The following FRAS1 variants were observed in gnomAD, a reference collection of about 807,000 sequenced individuals.
The protein encoded by FRAS1 is Fraser extracellular matrix complex subunit 1.
A neutral mutation model predicts 435.2 loss-of-function variants in FRAS1; 290 were observed. The ratio of observed to expected loss-of-function variants is 0.67; its 90% confidence interval spans 0.61 to 0.73. FRAS1 has a LOEUF of 0.73. Among genes scored for constraint, FRAS1 ranks in the 30% least tolerant of loss-of-function variants. The pLI is 0.00. For synonymous variants in FRAS1, 1,800 were observed against 1,851.0 expected (o/e 0.97, Z 0.71); for missense variants, 4,860 against 5,001.5 (o/e 0.97, Z 0.85).
At chr4:78,239,148 AG>A (rs2110116686) in intron 3 of FRAS1, among the ~76,000 whole-genome samples, 1 of 152,266 alleles carries the variant, frequency 6.6e-6, no homozygotes, top group East Asian at 1.9e-4. Context: ...TCACAGAAAA[AG>A]TCTCCCATCT....
chr4:78,200,050 G>T (rs1463614030), intron 2 of FRAS1, among the ~76,000 whole-genome samples: 3 of 152,138 alleles, frequency 2.0e-5, no homozygotes, highest in South Asian at 4.1e-4. Flanking sequence ...ACAGAAGTAG[G>T]TATAGGTAAT....
intron 20 of FRAS1, among the ~76,000 whole-genome samples, chr4:78,356,603 A>G (rs1041827265): frequency 1.3e-5 from 2 of 152,146 alleles, no homozygotes; most frequent in African/African-American, 4.8e-5. Context: ...CTTGAGAACA[A>G]TTCAGCAGAG....
At chr4:78,238,839 A>G (rs1446386123) in intron 3 of FRAS1, among the ~76,000 whole-genome samples, 1 of 152,234 alleles carries the variant, frequency 6.6e-6, no homozygotes, top group Non-Finnish European at 1.5e-5. Flanking sequence ...CATTGCTGAA[A>G]TCTAAACATG....
intron 47 of FRAS1, among the ~76,000 whole-genome samples, chr4:78,455,649 G>A (rs77899033): frequency 0.021 from 3,264 of 152,198 alleles, 119 homozygotes; most frequent in African/African-American, 0.075. Flanking sequence ...CAGGAAAGGT[G>A]GGGAAATCTC....
At chr4:78,451,916 T>C (rs1719033848) in intron 46 of FRAS1, 25 bp downstream of exon 46, 2 of 1,589,950 alleles carry the variant, frequency 1.3e-6, no homozygotes, top group Non-Finnish European at 1.7e-6. Flanking sequence ...GATTTTCTAA[T>C]ATAAAACTAT....
intron 50 of FRAS1, among the ~76,000 whole-genome samples, chr4:78,468,308 T>C (rs1001041841): frequency 6.6e-6 from 1 of 152,194 alleles, no homozygotes; most frequent in Non-Finnish European, 1.5e-5. Flanking sequence ...TAAAAGATAC[T>C]CATTTAATTT....
intron 2 of FRAS1, among the ~76,000 whole-genome samples, chr4:78,146,453 C>T (rs1359306265): frequency 6.6e-6 from 1 of 152,112 alleles, no homozygotes; most frequent in East Asian, 1.9e-4. Context: ...ATAACACCTT[C>T]CTGCCTCCTC....
At chr4:78,309,190 A>G (rs767811010) in intron 15 of FRAS1, among the ~76,000 whole-genome samples, 1 of 152,188 alleles carries the variant, frequency 6.6e-6, no homozygotes, top group Non-Finnish European at 1.5e-5. Context: ...AACAGATTCC[A>G]CCCCTGGAGC....
intron 43 of FRAS1, among the ~76,000 whole-genome samples, 175 bp from the exon 44 acceptor site, chr4:78,447,878 A>C (rs1718902463): frequency 6.6e-6 from 1 of 152,186 alleles, no homozygotes. Context: ...GTATGAGGCC[A>C]CAGAGCAGCA....
At chr4:78,307,130 G>C (rs534157522) in intron 14 of FRAS1, among the ~76,000 whole-genome samples, 1 of 152,160 alleles carries the variant, frequency 6.6e-6, no homozygotes, top group Non-Finnish European at 1.5e-5. Context: ...GGCACTGTGA[G>C]GTGTCAGTCT....
intron 2 of FRAS1, among the ~76,000 whole-genome samples, chr4:78,079,316 T>A (rs1022542720): frequency 6.6e-6 from 1 of 150,930 alleles, no homozygotes; most frequent in East Asian, 2.0e-4. Context: ...GTTGAAAGAG[T>A]GAAGAAAAAA....
intron 40 of FRAS1, among the ~76,000 whole-genome samples, chr4:78,439,374 T>C (rs1256467674): frequency 6.6e-6 from 1 of 152,234 alleles, no homozygotes; most frequent in African/African-American, 2.4e-5. Flanking sequence ...GAGTTTACAA[T>C]CTAATATTGG....
intron 20 of FRAS1, among the ~76,000 whole-genome samples, chr4:78,346,021 A>G (rs1346697034): frequency 2.0e-5 from 3 of 152,206 alleles, no homozygotes; most frequent in African/African-American, 7.2e-5. Flanking sequence ...CCTAACAACT[A>G]TAGGTCAGGG....
chr4:78,179,064 C>G (rs1721896199), intron 2 of FRAS1, among the ~76,000 whole-genome samples: 1 of 152,190 alleles, frequency 6.6e-6, no homozygotes, highest in African/African-American at 2.4e-5. Flanking sequence ...CACAATAGGG[C>G]TACTCACGTA....
rs1436526544 is a variant in FRAS1 at position 78,407,744 on chromosome 4, C to T, written c.4211C>T (p.Thr1404Ile). 6.2e-7 allele frequency: 1 copy of T among 1,613,804 alleles called. No individual in the cohort carries two copies. The highest frequency in any genetic ancestry group is 2.2e-5 in the East Asian group (1 of 44,852). ...GQHLPDGRTA[T>I]PTSTFTQQDI... ...CACCTGCCTGATGGGAGGACAGCTA[C>T]CCCCACCAGCACCTTCACCCAGCAG... The change falls in exon 31 of 74, where the codon ACC becomes ATC. Residue 1404 changes from threonine (T) to isoleucine (I), a missense_variant. By Grantham distance (89) the Thr-to-Ile change is moderately conservative (BLOSUM62 -1). Coordinates refer to ENST00000512123, the MANE Select transcript of FRAS1 (RefSeq NM_025074.7).
At chr4:78,163,083 C>T (rs1225612050) in intron 2 of FRAS1, among the ~76,000 whole-genome samples, 6 of 152,212 alleles carry the variant, frequency 3.9e-5, no homozygotes, top group African/African-American at 1.4e-4. Flanking sequence ...CAGTTGTCAA[C>T]ATTTCATGTA....
intron 4 of FRAS1, among the ~76,000 whole-genome samples, chr4:78,249,905 T>C (rs1017987113): frequency 6.6e-6 from 1 of 152,134 alleles, no homozygotes; most frequent in African/African-American, 2.4e-5. Flanking sequence ...CAAAAGTTCT[T>C]GTTTTATGAA....
In FRAS1 at chr4:78,285,974, A is replaced by G. The variant is rs1199439304; in HGVS notation, c.1400-431A>G. Among the ~76,000 whole-genome samples, 7 of 152,182 alleles carry G rather than the reference A, an allele frequency of 4.6e-5. No homozygotes were observed. In the East Asian group the frequency reaches 1.2e-3, roughly 25 times the overall value. On this transcript the variant is annotated intron_variant, in intron 13 of 73. Transcript: ENST00000512123. ...GTTACTTATATCTCTTTCATACAGT[A>G]TTGGAAAAGGGGCAAGAGATCTTCT...
Position 78,466,423 on chromosome 4 carries a change from A to G in FRAS1, c.7245A>G (p.Glu2415=), listed in dbSNP as rs772961944. The G allele has an allele frequency of 1.9e-6, 3 of 1,612,968 alleles. No individual in the cohort carries two copies. Among genetic ancestry groups the G allele is most frequent in the Admixed American group, 1.7e-5 (1 of 59,936 alleles). The change falls in exon 50 of 74, where the codon GAA becomes GAG. Residue 2415 remains glutamate (E), a synonymous_variant. Coordinates refer to ENST00000512123, the MANE Select transcript of FRAS1 (RefSeq NM_025074.7). The part of the protein sequence containing the change: ...DGTNPFFIIE[E]GGKEIMTAAP... Reference sequence around the variant, plus strand: ...CAAACCCCTTCTTTATCATTGAGGAAGGGGGAAAAGAGGTGAGGGGTGAGG... The same window carrying G: ...CAAACCCCTTCTTTATCATTGAGGAGGGGGGAAAAGAGGTGAGGGGTGAGG...
Sources: gnomAD v4.1 joint callset for allele counts (sites outside exome capture counted in the v4.1 genomes callset) on GRCh38, gnomAD v4.1.1 for gene constraint, MANE v1.5 for transcripts, NCBI Gene and HGNC (gene_info 2026-07-23, HGNC 2026-07-21) for gene names.